Variants in EP300 observed in about 807,000 individuals in gnomAD.
The protein encoded by EP300 is histone acetyltransferase p300.
A neutral mutation model predicts 264.0 loss-of-function variants in EP300; 31 were observed. That is an observed-to-expected ratio of 0.12 (90% CI 0.09 to 0.16). EP300 has a LOEUF of 0.16. EP300 is among the 10% of genes least tolerant of loss of function. The pLI, the probability that EP300 is intolerant of heterozygous loss-of-function variation, is 1.00. For synonymous variants in EP300, 1,340 were observed against 1,045.4 expected (o/e 1.28, Z -5.44); for missense variants, 2,766 against 3,052.9 (o/e 0.91, Z 2.21).
rs1302852309 is a variant in EP300 at position 41,140,245 on chromosome 22, T to C, written c.1866T>C (p.Ser622=). The change falls in exon 9 of 31, where the codon TCT becomes TCC. Residue 622 remains serine, a synonymous_variant. Transcript: ENST00000263253. ...ARKVEGDMYE[S]ANNRAEYYHL... ...AAGTTGAAGGGGACATGTATGAATCTGCAAACAATCGAGTGAGTGTCTGGT... is the reference window on the plus strand; with the variant it reads ...AAGTTGAAGGGGACATGTATGAATCCGCAAACAATCGAGTGAGTGTCTGGT... 6.2e-7 allele frequency: 1 copy of C among 1,606,802 alleles called. No homozygotes were observed. The highest frequency in any genetic ancestry group is 1.3e-5 in the African/African-American group (1 of 74,768).
At position 41,168,843 on chromosome 22, in the gene EP300, C is replaced by T. The variant is rs1429636888; in HGVS notation, c.4148C>T (p.Ser1383Phe). The part of the protein sequence containing the change: ...FFGMHVQEYG[S>F]DCPPPNQRRV... ...GGCATGCATGTTCAAGAGTATGGCT[C>T]TGACTGCCCTCCACCCAACCAGAGG... is the stretch of plus-strand genomic sequence containing the variant. Residue 1383 changes from serine (S) to phenylalanine (F), a missense_variant, in exon 25 of 31, where the codon TCT becomes TTT. By Grantham distance (155) the Ser-to-Phe change is radical. Coordinates refer to ENST00000263253, the MANE Select transcript of EP300 (RefSeq NM_001429.4). 1.2e-6 allele frequency: 2 copies of T among 1,614,190 alleles called. No homozygotes were observed. Among genetic ancestry groups the T allele is most frequent in the South Asian group, 1.1e-5 (1 of 91,084 alleles).
At chr22:41,112,424 C>G (rs956443493) in intron 1 of EP300, among the ~76,000 whole-genome samples, 1 of 151,790 alleles carries the variant, frequency 6.6e-6, no homozygotes, top group African/African-American at 2.4e-5. Context: ...GTCTCAAGCT[C>G]CTGACCTCAA....
Position 41,141,228 on chromosome 22 carries a change from T to C in EP300, c.2053+6T>C. 1.2e-6 allele frequency: 2 copies of C among 1,613,166 alleles called. No individual in the cohort carries two copies. The highest frequency in any genetic ancestry group is 1.3e-5 in the African/African-American group (1 of 75,028). On this transcript the variant is annotated splice_donor_region_variant and intron_variant, in intron 10 of 30. Transcript: ENST00000263253. The stretch of plus-strand genomic sequence containing the variant: ...GCAACCAGGAATGACTTCTAGTAAG[T>C]GGTTTTTGTTATATTTCTGTTTGAG...
At chr22:41,153,241 C>T (rs1416277647) in intron 16 of EP300, among the ~76,000 whole-genome samples, 1 of 152,138 alleles carries the variant, frequency 6.6e-6, no homozygotes, top group African/African-American at 2.4e-5. Context: ...AGGACTAGAA[C>T]TTTTGTGGCT....
rs190352724 is a variant in EP300 at position 41,110,655 on chromosome 22, C to T, written c.95-6532C>T. Among the ~76,000 whole-genome samples the T allele has an allele frequency of 3.7e-3, 556 of 152,190 alleles. 3 individuals are homozygous for T. Among genetic ancestry groups the T allele is most frequent in the Non-Finnish European group, 6.1e-3 (416 of 68,004 alleles). On this transcript the variant is annotated intron_variant, in intron 1 of 30. Transcript: ENST00000263253. ...TGTAGAGAGGTGGTCTTTCTCCCCT[C>T]GGCCTTCCAACGTACTAGGATTACA...
intron 20 of EP300, among the ~76,000 whole-genome samples, chr22:41,162,451 A>G (rs2059113284): frequency 6.6e-6 from 1 of 152,216 alleles, no homozygotes; most frequent in Non-Finnish European, 1.5e-5. Flanking sequence ...AGTAACAGAC[A>G]AGATTTTAAA....
At position 41,170,581 on chromosome 22, in the gene EP300, G is replaced by C. The variant is rs1384121583; in HGVS notation, c.4452+10G>C. ...TGTCCATGACTACAAGGTCAGTTGG[G>C]ACATAGGGGCCAGGTGCTGACAATA... is the stretch of plus-strand genomic sequence containing the variant. On this transcript the variant is annotated intron_variant, in intron 27 of 30. Coordinates refer to ENST00000263253, the MANE Select transcript of EP300 (RefSeq NM_001429.4). 6.2e-7 allele frequency: 1 copy of C among 1,612,808 alleles called. No individual in the cohort carries two copies. The highest frequency in any genetic ancestry group is 8.5e-7 in the Non-Finnish European group (1 of 1,179,430).
chr22:41,113,646 A>C lies in EP300; in HGVS notation c.95-3541A>C, dbSNP rs147441090. ...ACTGCAAACTCTGTCTCCCGGGTTC[A>C]TGCCATTCTCCTGCCTCAGCCTCCT... On this transcript the variant is annotated intron_variant, in intron 1 of 30. Coordinates refer to ENST00000263253, the MANE Select transcript of EP300 (RefSeq NM_001429.4). 4.2e-3 allele frequency among the ~76,000 whole-genome samples: 637 copies of C among 152,210 alleles called. 8 individuals carry two copies. The highest frequency in any genetic ancestry group is 0.014 in the Middle Eastern group (4 of 294).
At position 41,155,242 on chromosome 22, in the gene EP300, C is replaced by T. The variant is rs765138740; in HGVS notation, c.3261+129C>T. 15 of 832,470 alleles carry T rather than the reference C, an allele frequency of 1.8e-5. No individual in the cohort carries two copies. The Admixed American group carries it at 2.9e-4, about 16-fold the overall frequency. The allele number at this position is 832,470 out of a possible 1,614,324, so 51.6% of individuals were successfully genotyped here. A position where few individuals can be genotyped will look rare whatever the true frequency, so the allele number is the denominator to read the frequency against. On this transcript the variant is annotated intron_variant, in intron 17 of 30. Transcript: ENST00000263253. Reference sequence around the variant, plus strand: ...TAATTCAGTGATTTTTTTTTTTTCCCCCTGAGACAGGGTCTTATTCTGGTT... The same window carrying T: ...TAATTCAGTGATTTTTTTTTTTTCCTCCTGAGACAGGGTCTTATTCTGGTT...
chr22:41,149,099 C>T lies in EP300; in HGVS notation c.2303C>T (p.Thr768Ile), dbSNP rs1601618939. The T allele has an allele frequency of 6.2e-7, 1 of 1,613,604 alleles. No homozygotes were observed. Among genetic ancestry groups the T allele is most frequent in the South Asian group, 1.1e-5 (1 of 91,062 alleles). ...AACCAGGGCCAGTTCCTTCCTCAGA[C>T]TCAGTTCCCATCACAGGGAATGAAT... is the stretch of plus-strand genomic sequence containing the variant. ...PSNQGQFLPQ[T>I]QFPSQGMNVT... is the part of the protein sequence containing the mutation. Residue 768 changes from threonine to isoleucine, a missense_variant, in exon 13 of 31, where the codon ACT (threonine) becomes ATT (isoleucine). Transcript: ENST00000263253.
At chr22:41,122,171 T>C (rs570911195) in intron 2 of EP300, among the ~76,000 whole-genome samples, 1,876 of 145,690 alleles carry the variant, frequency 0.013, 14 homozygotes, top group Non-Finnish European at 0.02. Context: ...TTTTTTTTTT[T>C]TTTTTTTTTT....
chr22:41,165,550 AGTAGCTGG>A (rs1341980427), intron 22 of EP300, among the ~76,000 whole-genome samples: 2 of 150,054 alleles, frequency 1.3e-5, no homozygotes, highest in African/African-American at 4.9e-5. Flanking sequence ...CAGCCTCCCT[AGTAGCTGG>A]GATTATAGGT....
chr22:41,104,035 C>T (rs1488952781), intron 1 of EP300, among the ~76,000 whole-genome samples: 1 of 152,172 alleles, frequency 6.6e-6, no homozygotes, highest in Non-Finnish European at 1.5e-5. Flanking sequence ...AAACCATTCA[C>T]TCTCCTTGTT....
In EP300 at chr22:41,092,983, T is replaced by A. The variant is rs769311635; in HGVS notation, c.-22T>A. 1.9e-6 allele frequency: 3 copies of A among 1,613,656 alleles called. No individual in the cohort carries two copies. Among genetic ancestry groups the A allele is most frequent in the Non-Finnish European group, 2.5e-6 (3 of 1,179,614 alleles). Reference sequence around the variant, plus strand: ...CCTGAGGATTCTGGTTTTCCTCGCTTGTATCTCCGAAAGAATTAAAAATGG... The same window carrying A: ...CCTGAGGATTCTGGTTTTCCTCGCTAGTATCTCCGAAAGAATTAAAAATGG... On this transcript the variant is annotated 5_prime_UTR_variant, in exon 1 of 31. Coordinates refer to ENST00000263253, the MANE Select transcript of EP300 (RefSeq NM_001429.4).
intron 10 of EP300, among the ~76,000 whole-genome samples, chr22:41,142,054 C>G (rs1001041921): frequency 1.3e-5 from 2 of 152,144 alleles, no homozygotes; most frequent in Non-Finnish European, 2.9e-5. Context: ...ATGAATTAAC[C>G]AGATAGCCAA....
At position 41,178,760 on chromosome 22, in the gene EP300, G is replaced by C. The variant is rs764471047; in HGVS notation, c.7049G>C (p.Gly2350Ala). ...CCACAGACAAGTTCCCCACATCCTG[G>C]ACTGGTAGCTGCCCAGGCCAACCCC... Reference protein sequence around the residue: ...VSPQTSSPHPGLVAAQANPME... With the variant: ...VSPQTSSPHPALVAAQANPME... The change falls in exon 31 of 31, where the codon GGA (glycine) becomes GCA (alanine). Residue 2350 changes from glycine (G) to alanine (A), a missense_variant. Gly to Ala is a moderately conservative substitution (Grantham distance 60). Transcript: ENST00000263253. 22 of 1,614,010 alleles carry C rather than the reference G, an allele frequency of 1.4e-5. No homozygotes were observed. Among genetic ancestry groups the C allele is most frequent in the Non-Finnish European group, 1.9e-5 (22 of 1,180,014 alleles).
At chr22:41,151,243 A>G (rs2059042955) in intron 14 of EP300, among the ~76,000 whole-genome samples, 1 of 152,144 alleles carries the variant, frequency 6.6e-6, no homozygotes, top group Non-Finnish European at 1.5e-5. Context: ...GGAAGGACAG[A>G]ATGAGAGAGG....
intron 8 of EP300, among the ~76,000 whole-genome samples, chr22:41,138,244 G>C (rs1021241155): frequency 6.6e-6 from 1 of 152,130 alleles, no homozygotes; most frequent in African/African-American, 2.4e-5. Context: ...GTTCACTGCA[G>C]ACTTCGCCTC....
intron 1 of EP300, among the ~76,000 whole-genome samples, chr22:41,101,323 G>A (rs1435213312): frequency 6.6e-6 from 1 of 151,906 alleles, no homozygotes; most frequent in Non-Finnish European, 1.5e-5. Flanking sequence ...TGCCCACCTC[G>A]GCCTCCCAAA....
Sources: allele counts gnomAD v4.1 joint callset (sites outside exome capture counted in the v4.1 genomes callset), GRCh38; gene constraint gnomAD v4.1.1; transcripts MANE v1.5; gene names NCBI Gene and HGNC (gene_info 2026-07-23, HGNC 2026-07-21).